FOXN2: variants seen among roughly 807,000 people sequenced by gnomAD.
FOXN2 encodes forkhead box protein N2.
Under a neutral mutation model 41.2 loss-of-function variants are expected in FOXN2, and 19 were observed. That is an observed-to-expected ratio of 0.46 (90% CI 0.32 to 0.68). FOXN2 has a LOEUF of 0.68. Among genes scored for constraint, FOXN2 ranks in the 30% least tolerant of loss-of-function variants. FOXN2 has a pLI of 0.03. For synonymous variants in FOXN2, 195 were observed against 176.8 expected (o/e 1.10, Z -0.82); for missense variants, 587 against 509.4 (o/e 1.15, Z -1.47).
intron 5 of FOXN2, among the ~76,000 whole-genome samples, chr2:48,372,327 A>G (rs1406867142): frequency 2.0e-5 from 3 of 152,218 alleles, no homozygotes; most frequent in Non-Finnish European, 4.4e-5. Context: ...ACAAGTCATT[A>G]TCTTCATGGC....
intron 5 of FOXN2, among the ~76,000 whole-genome samples, chr2:48,365,167 A>G (rs763610108): frequency 2.6e-5 from 4 of 152,184 alleles, no homozygotes; most frequent in African/African-American, 7.2e-5. Context: ...GCTCTTTGGA[A>G]CTATACTAAA....
chr2:48,313,696 C>T (rs190757475), upstream of FOXN2, among the ~76,000 whole-genome samples: 101 of 152,296 alleles, frequency 6.6e-4, no homozygotes, highest in African/African-American at 2.4e-3. Flanking sequence ...ATACCTTTGA[C>T]GGGTCATTTT....
intron 2 of FOXN2, 27 bp from the exon 3 acceptor site, chr2:48,346,174 C>A: frequency 6.6e-7 from 1 of 1,525,282 alleles, no homozygotes; most frequent in East Asian, 2.3e-5. Flanking sequence ...TAAAGTATTA[C>A]ATTGATAATT....
intron 2 of FOXN2, among the ~76,000 whole-genome samples, chr2:48,338,437 T>C (rs1253489064): frequency 6.6e-6 from 1 of 151,834 alleles, no homozygotes; most frequent in East Asian, 1.9e-4. Context: ...AATCTTGCTC[T>C]GTCGCCCAGG....
intron 6 of FOXN2, among the ~76,000 whole-genome samples, chr2:48,373,761 T>C (rs1336799128): frequency 6.6e-6 from 1 of 152,050 alleles, no homozygotes; most frequent in Admixed American, 6.6e-5. Flanking sequence ...ACATCAAAAT[T>C]TTAGCATTCT....
At chr2:48,327,469 G>C (rs1238794590) in intron 1 of FOXN2, among the ~76,000 whole-genome samples, 4 of 151,240 alleles carry the variant, frequency 2.6e-5, no homozygotes. Context: ...TTTTGAGATG[G>C]AATTTCACTC....
chr2:48,362,559 TGA>T, intron 4 of FOXN2, 82 bp from the exon 5 acceptor site: 5 of 1,196,568 alleles, frequency 4.2e-6, no homozygotes, highest in South Asian at 1.3e-5. Context: ...GCCAGCAGAG[TGA>T]GAGAGAACCT....
At chr2:48,322,710 C>G (rs1669412144) in intron 1 of FOXN2, among the ~76,000 whole-genome samples, 1 of 148,638 alleles carries the variant, frequency 6.7e-6, no homozygotes, top group African/African-American at 2.5e-5. Flanking sequence ...TTTTCTAATT[C>G]TGATATATTT....
intron 1 of FOXN2, among the ~76,000 whole-genome samples, chr2:48,319,262 A>C (rs1669132364): frequency 6.6e-6 from 1 of 151,892 alleles, no homozygotes; most frequent in Non-Finnish European, 1.5e-5. Context: ...TATTTATGGA[A>C]AAAAAAATGA....
intron 4 of FOXN2, among the ~76,000 whole-genome samples, chr2:48,361,293 C>T (rs1373608463): frequency 3.3e-5 from 5 of 151,808 alleles, no homozygotes; most frequent in Non-Finnish European, 7.4e-5. Flanking sequence ...ATGTTGAAAC[C>T]CGTCTCTACC....
intron 2 of FOXN2, among the ~76,000 whole-genome samples, chr2:48,342,809 A>T (rs1030707115): frequency 5.9e-5 from 9 of 152,198 alleles, no homozygotes; most frequent in Non-Finnish European, 1.3e-4. Flanking sequence ...TGACAGTTCA[A>T]ACCTTACTAA....
At chr2:48,324,363 T>C (rs1320343020) in intron 1 of FOXN2, among the ~76,000 whole-genome samples, 1 of 152,118 alleles carries the variant, frequency 6.6e-6, no homozygotes, top group Non-Finnish European at 1.5e-5. Context: ...CCTGGCTAAT[T>C]TTTGTATTTT....
intron 3 of FOXN2, among the ~76,000 whole-genome samples, chr2:48,356,327 G>T (rs2104437856): frequency 6.6e-6 from 1 of 151,916 alleles, no homozygotes; most frequent in African/African-American, 2.4e-5. Flanking sequence ...TGTAATCCCA[G>T]CTACTTGGGA....
chr2:48,317,797 G>T (rs1040649989), intron 1 of FOXN2, among the ~76,000 whole-genome samples: 3 of 151,322 alleles, frequency 2.0e-5, no homozygotes, highest in Non-Finnish European at 2.9e-5. Context: ...TAGTAGAGAC[G>T]GAGTTTTACC....
intron 1 of FOXN2, among the ~76,000 whole-genome samples, chr2:48,324,657 A>G (rs1161260825): frequency 6.6e-6 from 1 of 151,960 alleles, no homozygotes; most frequent in Non-Finnish European, 1.5e-5. Context: ...CTTTTGAAGT[A>G]CTCTGCTTAG....
intron 6 of FOXN2, among the ~76,000 whole-genome samples, chr2:48,374,459 G>A (rs1034192979): frequency 4.6e-5 from 7 of 152,280 alleles, no homozygotes; most frequent in African/African-American, 1.7e-4. Context: ...AACCACTTTG[G>A]AGGGCAATTT....
In FOXN2 at chr2:48,320,091, G is replaced by T. The variant is rs574007980; in HGVS notation, c.-157+5277G>T. Reference sequence around the variant, plus strand: ...GAAATACAGAAAAAAAGGGGAAGAGGTTTCTTATAATTAAGATTTTACTGG... The same window carrying T: ...GAAATACAGAAAAAAAGGGGAAGAGTTTTCTTATAATTAAGATTTTACTGG... On this transcript the variant is annotated intron_variant, in intron 1 of 6. Transcript: ENST00000340553. 9.6e-4 allele frequency among the ~76,000 whole-genome samples: 146 copies of T among 152,022 alleles called. No individual in the cohort carries two copies. The Middle Eastern group carries it at 0.024, about 25-fold the overall frequency.
At chr2:48,356,560 T>C (rs980820697) in intron 3 of FOXN2, among the ~76,000 whole-genome samples, 1 of 151,782 alleles carries the variant, frequency 6.6e-6, no homozygotes, top group South Asian at 2.1e-4. Flanking sequence ...TTTTTCCTAG[T>C]GTGGTAAAAT....
rs150920250 is a variant in FOXN2, at chr2:48,324,555, T to G, written c.-156-4006T>G. On this transcript the variant is annotated intron_variant, in intron 1 of 6. Transcript: ENST00000340553. ...GATTAAAATGACTTCTTTGTTTAGTTAAAACAAAACTTGATGTGGTATGAT... is the reference window on the plus strand; with the variant it reads ...GATTAAAATGACTTCTTTGTTTAGTGAAAACAAAACTTGATGTGGTATGAT... 1.4e-3 allele frequency among the ~76,000 whole-genome samples: 216 copies of G among 152,308 alleles called. 1 individual carries two copies. The highest frequency in any genetic ancestry group is 4.9e-3 in the African/African-American group (202 of 41,566).
Sources: gnomAD v4.1 joint callset for allele counts (sites outside exome capture counted in the v4.1 genomes callset) on GRCh38, gnomAD v4.1.1 for gene constraint, MANE v1.5 for transcripts, NCBI Gene and HGNC (gene_info 2026-07-23, HGNC 2026-07-21) for gene names.